The following GALNT18 variants were observed in gnomAD, a reference collection of about 807,000 sequenced individuals.
The protein encoded by GALNT18 is GalNAc-transferase 18.
GALNT18 carries 44 observed loss-of-function variants against 69.5 expected under a neutral mutation model. The observed-to-expected ratio is 0.63, with a 90% CI of 0.50 to 0.81. GALNT18 has a LOEUF of 0.81. Ranked by LOEUF, GALNT18 falls within the 40% of genes least tolerant of loss-of-function variation. The pLI, the probability that GALNT18 is intolerant of heterozygous loss-of-function variation, is 0.00. For missense variants in GALNT18, 715 were observed against 810.0 expected, an observed-to-expected ratio of 0.88 and a Z score of 1.42; for synonymous variants, 364 against 318.2, an observed-to-expected ratio of 1.14 and a Z score of -1.53.
Position 11,602,336 on chromosome 11 carries a change from T to C in GALNT18, c.235+19023A>G, listed in dbSNP as rs553369951. On this transcript the variant is annotated intron_variant, in intron 1 of 10. Transcript: ENST00000227756. This position sits in a 1 kb window ranked among gnomAD's most constrained non-coding sequence, Gnocchi z 4.7. Reference sequence around the variant, plus strand: ...CAGGGTAAAGCTTCCACCCTGTAAGTAGGGGCAGCCCCAGACCACTCAACC... The same window carrying C: ...CAGGGTAAAGCTTCCACCCTGTAAGCAGGGGCAGCCCCAGACCACTCAACC... Among the ~76,000 whole-genome samples, 1 of 152,176 alleles carries C rather than the reference T, an allele frequency of 6.6e-6. No individual in the cohort carries two copies. The highest frequency in any genetic ancestry group is 1.9e-4 in the East Asian group (1 of 5,166).
rs752226933 is a variant in GALNT18, at chr11:11,563,827, C to A, written c.235+57532G>T. Among the ~76,000 whole-genome samples the A allele has an allele frequency of 1.3e-5, 2 of 152,084 alleles. No homozygotes were observed. The highest frequency in any genetic ancestry group is 2.9e-5 in the Non-Finnish European group (2 of 68,028). ...CTATAAATATCCAGAGAGAGGGAGACGAGATGAGAAAACAGATATCCTTTC... is the reference window on the plus strand; with the variant it reads ...CTATAAATATCCAGAGAGAGGGAGAAGAGATGAGAAAACAGATATCCTTTC... On this transcript the variant is annotated intron_variant, in intron 1 of 10. Transcript: ENST00000227756. This position sits in a 1 kb window ranked among gnomAD's most constrained non-coding sequence, Gnocchi z 4.6.
At chr11:11,451,756 C>G (rs1049986331) in intron 1 of GALNT18, among the ~76,000 whole-genome samples, 1 of 152,196 alleles carries the variant, frequency 6.6e-6, no homozygotes, top group African/African-American at 2.4e-5. Context: ...TTTCAAAATA[C>G]ATCAGTTAAT....
Position 11,562,280 on chromosome 11 carries a change from T to C in GALNT18, c.235+59079A>G, listed in dbSNP as rs534965989. Among the ~76,000 whole-genome samples the C allele has an allele frequency of 8.5e-5, 13 of 152,296 alleles. No homozygotes were observed. The South Asian group carries it at 2.5e-3, about 29-fold the overall frequency. ...GCTTCTGGCTGGCTGTCTTCTTGTGTCTCTTCACTTCATATGCCCCTAGTG... is the reference window on the plus strand; with the variant it reads ...GCTTCTGGCTGGCTGTCTTCTTGTGCCTCTTCACTTCATATGCCCCTAGTG... On this transcript the variant is annotated intron_variant, in intron 1 of 10. Transcript: ENST00000227756. This position sits in a 1 kb window ranked among gnomAD's most constrained non-coding sequence, Gnocchi z 4.1.
Position 11,597,058 on chromosome 11 carries a change from A to G in GALNT18, c.235+24301T>C, listed in dbSNP as rs115151020. 6.3e-3 allele frequency among the ~76,000 whole-genome samples: 964 copies of G among 152,298 alleles called. 8 individuals carry two copies. Among genetic ancestry groups the G allele is most frequent in the African/African-American group, 0.022 (933 of 41,562 alleles). Reference sequence around the variant, plus strand: ...TTTTTCTGCATCTTTTGAGATGATCATGCGGTTTTTATACTTCATCAATAT... The same window carrying G: ...TTTTTCTGCATCTTTTGAGATGATCGTGCGGTTTTTATACTTCATCAATAT... On this transcript the variant is annotated intron_variant, in intron 1 of 10. Transcript: ENST00000227756.
intron 1 of GALNT18, among the ~76,000 whole-genome samples, chr11:11,572,730 G>T (rs572746766): frequency 6.6e-6 from 1 of 152,118 alleles, no homozygotes; most frequent in Non-Finnish European, 1.5e-5. Flanking sequence ...GATGGCCCTC[G>T]CAACCCTCGC....
intron 6 of GALNT18, among the ~76,000 whole-genome samples, chr11:11,348,353 G>T (rs1850339307): frequency 6.7e-6 from 1 of 150,340 alleles, no homozygotes; most frequent in South Asian, 2.1e-4. Flanking sequence ...ACTCCAGCCT[G>T]GGTGGCAAGA....
intron 10 of GALNT18, among the ~76,000 whole-genome samples, chr11:11,274,915 T>C (rs1848908137): frequency 6.6e-6 from 1 of 152,266 alleles, no homozygotes; most frequent in African/African-American, 2.4e-5. Context: ...CCATGGTGTA[T>C]ATGTGACACA....
chr11:11,554,904 C>T (rs577644212), intron 1 of GALNT18, among the ~76,000 whole-genome samples: 60 of 152,254 alleles, frequency 3.9e-4, no homozygotes, highest in African/African-American at 1.4e-3. Flanking sequence ...GGGTGAGGGT[C>T]CCGGAGGGAG....
chr11:11,378,625 A>T (rs1393779273), intron 4 of GALNT18, among the ~76,000 whole-genome samples: 1 of 152,212 alleles, frequency 6.6e-6, no homozygotes, highest in Non-Finnish European at 1.5e-5. Flanking sequence ...GGGAAAGCCC[A>T]GGGCACCTGT....
chr11:11,330,297 GA>G (rs1849995814), intron 8 of GALNT18, among the ~76,000 whole-genome samples: 2 of 152,194 alleles, frequency 1.3e-5, no homozygotes, highest in Admixed American at 1.3e-4. Context: ...TTATGCCCCT[GA>G]AAAGACATCT....
intron 2 of GALNT18, among the ~76,000 whole-genome samples, chr11:11,447,795 C>T (rs1223555248): frequency 6.6e-6 from 1 of 152,206 alleles, no homozygotes; most frequent in Non-Finnish European, 1.5e-5. Flanking sequence ...CCTACCTGGT[C>T]CCTCCCACAA....
In GALNT18 at chr11:11,602,725, A is replaced by T. The variant is rs1859660952; in HGVS notation, c.235+18634T>A. ...GACCCACAGAGCTCCTCACACTGCC[A>T]TTCCAGTTCTTCCCTAACCCCCTGT... On this transcript the variant is annotated intron_variant, in intron 1 of 10. Transcript: ENST00000227756. This position sits in a 1 kb window ranked among gnomAD's most constrained non-coding sequence, Gnocchi z 4.7. Among the ~76,000 whole-genome samples the T allele has an allele frequency of 6.6e-6, 1 of 152,206 alleles. No homozygotes were observed.
intron 6 of GALNT18, chr11:11,352,064 C>T (rs771097539): frequency 1.9e-6 from 3 of 1,613,790 alleles, no homozygotes; most frequent in South Asian, 1.1e-5. Flanking sequence ...AAATCCCTGA[C>T]ATCACATTGG....
At chr11:11,441,971 A>G (rs1564951248) in intron 2 of GALNT18, among the ~76,000 whole-genome samples, 1 of 152,348 alleles carries the variant, frequency 6.6e-6, no homozygotes, top group East Asian at 1.9e-4. Context: ...CCTAATACTA[A>G]TATTGTCACT....
At position 11,293,533 on chromosome 11, in the gene GALNT18, C is replaced by CTTTTTTTTTTT. The variant is rs34166465; in HGVS notation, c.1513-351_1513-341dup. 1.6e-3 allele frequency among the ~76,000 whole-genome samples: 128 copies of CTTTTTTTTTTT among 80,168 alleles called. 3 individuals are homozygous for CTTTTTTTTTTT. Among genetic ancestry groups the CTTTTTTTTTTT allele is most frequent in the African/African-American group, 5.9e-3 (117 of 19,950 alleles). The allele number at this position is 80,168 out of a possible 152,430, so 52.6% of individuals were successfully genotyped here. A position where few individuals can be genotyped will look rare whatever the true frequency, so the allele number is the denominator to read the frequency against. On this transcript the variant is annotated intron_variant, in intron 9 of 10. Coordinates refer to ENST00000227756, the MANE Select transcript of GALNT18 (RefSeq NM_198516.3). ...TTCTTCACCCAGTTTACAAACCCCT[C>CTTTTTTTTTTT]TTTTTTTTTTTTTTTTTTTTTTTTG...
chr11:11,364,777 C>T (rs2133085513), intron 6 of GALNT18, among the ~76,000 whole-genome samples: 1 of 152,166 alleles, frequency 6.6e-6, no homozygotes, highest in Admixed American at 6.5e-5. Flanking sequence ...TTTAAAAGTC[C>T]TTATCTATTT....
At chr11:11,552,479 A>G (rs1858221379) in intron 1 of GALNT18, among the ~76,000 whole-genome samples, 1 of 152,224 alleles carries the variant, frequency 6.6e-6, no homozygotes, top group African/African-American at 2.4e-5. Context: ...AACAGTTGTG[A>G]CAACTGGCTA....
intron 1 of GALNT18, among the ~76,000 whole-genome samples, chr11:11,559,614 GGAATAGAATGAGA>G (rs1858418371): frequency 6.7e-6 from 1 of 149,764 alleles, no homozygotes; most frequent in Non-Finnish European, 1.5e-5. Context: ...GGGATGGGAT[GGAATAGAATGAGA>G]CATGATGGGA....
chr11:11,537,086 G>C (rs890561174), intron 1 of GALNT18, among the ~76,000 whole-genome samples: 1 of 152,192 alleles, frequency 6.6e-6, no homozygotes, highest in Admixed American at 6.5e-5. Context: ...ACTGTTGCAA[G>C]TGCTTTATCC....
Sources: gnomAD v4.1 joint callset for allele counts (sites outside exome capture counted in the v4.1 genomes callset) on GRCh38, gnomAD v4.1.1 for gene constraint, Gnocchi (gnomAD v3.1) non-coding constraint, MANE v1.5 for transcripts, NCBI Gene and HGNC (gene_info 2026-07-23, HGNC 2026-07-21) for gene names.